The following EVC variants were observed in gnomAD, a reference collection of about 807,000 sequenced individuals.
EVC encodes evC complex member EVC.
EVC carries 116 observed loss-of-function variants against 118.9 expected under a neutral mutation model. The ratio of observed to expected loss-of-function variants is 0.98; its 90% confidence interval spans 0.84 to 1.14. The LOEUF (loss-of-function observed/expected upper bound fraction) is 1.14. Ranked by LOEUF, EVC falls within the 50% of genes most tolerant of loss-of-function variation. EVC has a pLI of 0.00. For missense variants in EVC, 1,401 were observed against 1,246.4 expected (o/e 1.12, Z -1.87); for synonymous variants, 619 against 534.7 (o/e 1.16, Z -2.18).
intron 16 of EVC, among the ~76,000 whole-genome samples, chr4:5,803,750 G>A (rs966553454): frequency 1.3e-5 from 2 of 152,178 alleles, no homozygotes; most frequent in Admixed American, 6.5e-5. Context: ...CTCCCTGTAA[G>A]TGCCAGCAAG....
At chr4:5,782,536 G>GAAAAAAAAA (rs71171483) in intron 11 of EVC, among the ~76,000 whole-genome samples, 2 of 45,748 alleles carry the variant, frequency 4.4e-5, no homozygotes, top group East Asian at 1.4e-3. Context: ...TGTTTTAAAT[G>GAAAAAAAAA]AAAAAAAAAA....
intron 11 of EVC, among the ~76,000 whole-genome samples, chr4:5,763,970 G>C (rs1291842962): frequency 7.0e-6 from 1 of 142,954 alleles, no homozygotes; most frequent in Non-Finnish European, 1.5e-5. Context: ...GGGCATCCCT[G>C]TCTTGTGCCA....
chr4:5,825,364 G>T, the EVC span: 1 of 1,440,720 alleles, frequency 6.9e-7, no homozygotes, highest in South Asian at 1.6e-5. This position sits in a 1 kb window ranked among gnomAD's most constrained non-coding sequence, Gnocchi z 4.4. Flanking sequence ...AGGCTCGGGT[G>T]GGGCACACTC....
rs979667721 is a variant in EVC, at chr4:5,742,360, G to A, written c.801+546G>A. The stretch of plus-strand genomic sequence containing the variant: ...GTATGATACACCTAGCAATGTCATA[G>A]TTGGCTGTGAATATGTGATGGCTGC... On this transcript the variant is annotated intron_variant, in intron 6 of 20. Transcript: ENST00000264956. The surrounding 1 kb of genome is among the most constrained non-coding windows in gnomAD (Gnocchi z 5.2). Among the ~76,000 whole-genome samples, 4 of 152,166 alleles carry A rather than the reference G, an allele frequency of 2.6e-5. No homozygotes were observed. Among genetic ancestry groups the A allele is most frequent in the Non-Finnish European group, 5.9e-5 (4 of 68,028 alleles).
At chr4:5,728,703 T>G (rs1189767450) in intron 2 of EVC, among the ~76,000 whole-genome samples, 1 of 152,210 alleles carries the variant, frequency 6.6e-6, no homozygotes, top group Non-Finnish European at 1.5e-5. Context: ...AACCACTTCC[T>G]TTTGTTTAAG....
rs933989523 is a variant in EVC, at chr4:5,798,759, CA to C, written c.2273del (p.Lys758ArgfsTer14). 1 of 1,611,228 alleles carries C rather than the reference CA, an allele frequency of 6.2e-7. No individual in the cohort carries two copies. The highest frequency in any genetic ancestry group is 8.5e-7 in the Non-Finnish European group (1 of 1,179,974). On this transcript the variant is annotated frameshift_variant, in exon 15 of 21. Transcript: ENST00000264956. LOFTEE classifies it high-confidence loss of function. The surrounding 1 kb of genome is among the most constrained non-coding windows in gnomAD (Gnocchi z 4.1). ...LLVHARNAAT[K>X]SRAKDRDDFK... Reference sequence around the variant, plus strand: ...TGGTGCATGCACGGAATGCAGCCACCAAGAGCCGGGCCAAGGACAGGGATGA... The same window carrying C: ...TGGTGCATGCACGGAATGCAGCCACCAGAGCCGGGCCAAGGACAGGGATGA...
chr4:5,721,864 C>A (rs1321895284), intron 2 of EVC, among the ~76,000 whole-genome samples: 1 of 152,106 alleles, frequency 6.6e-6, no homozygotes, highest in African/African-American at 2.4e-5. Context: ...AAGACTCTGT[C>A]TCAAAATAAA....
downstream of EVC, among the ~76,000 whole-genome samples, chr4:5,817,191 G>A (rs781779549): frequency 7.2e-5 from 11 of 152,322 alleles, no homozygotes; most frequent in East Asian, 1.9e-4. Flanking sequence ...GGTCCTGGTC[G>A]ACATTCTTCC....
chr4:5,758,001 T>C, intron 11 of EVC: 3 of 690,490 alleles, frequency 4.3e-6, no homozygotes, highest in Non-Finnish European at 7.9e-6. Context: ...TTTGCAGATG[T>C]AATTGGTTAG....
At chr4:5,747,203 G>A (rs4411927) in intron 7 of EVC, among the ~76,000 whole-genome samples, 63,378 of 151,566 alleles carry the variant, frequency 0.42, 13,644 homozygotes, top group East Asian at 0.62. Flanking sequence ...GACCGACACC[G>A]CAGTTGAGGC....
intron 11 of EVC, 39 bp from the exon 12 acceptor site, chr4:5,783,513 G>A: frequency 6.2e-7 from 1 of 1,604,064 alleles, no homozygotes; most frequent in East Asian, 2.2e-5. Flanking sequence ...ACAGGGTCCT[G>A]CCGTGACCTG....
chr4:5,777,779 T>C (rs1402722995), intron 11 of EVC, among the ~76,000 whole-genome samples: 3 of 152,148 alleles, frequency 2.0e-5, no homozygotes, highest in African/African-American at 4.8e-5. Flanking sequence ...GGGTTGGCGA[T>C]GAGCTTAAGA....
Position 5,798,087 on chromosome 4 carries a change from C to G in EVC, c.2098-499C>G, listed in dbSNP as rs143366188. On this transcript the variant is annotated intron_variant, in intron 14 of 20. Coordinates refer to ENST00000264956, the MANE Select transcript of EVC (RefSeq NM_153717.3). This position sits in a 1 kb window ranked among gnomAD's most constrained non-coding sequence, Gnocchi z 4.1. ...AGCTCCGAGGAGCAGGCAGGACTCA[C>G]GGACCTCGCTACAGCCCCGCTCACT... Among the ~76,000 whole-genome samples, 5 of 152,168 alleles carry G rather than the reference C, an allele frequency of 3.3e-5. No individual in the cohort carries two copies. The highest frequency in any genetic ancestry group is 6.5e-5 in the Admixed American group (1 of 15,284).
Position 5,731,621 on chromosome 4 carries a change from G to C in EVC, c.581G>C (p.Arg194Pro), listed in dbSNP as rs777256784. Residue 194 changes from arginine to proline, a missense_variant, in exon 4 of 21, where the codon CGG becomes CCG. Coordinates refer to ENST00000264956, the MANE Select transcript of EVC (RefSeq NM_153717.3). This position sits in a 1 kb window ranked among gnomAD's most constrained non-coding sequence, Gnocchi z 5.6. ...AGGTTTCTCAGCCGCACCTTCCTCC[G>C]GGTGAACGCCTTCCCTGAAGTGCTG... ...DDRFLSRTFLRVNAFPEVLAC... is the reference protein window; with the variant it reads ...DDRFLSRTFLPVNAFPEVLAC... 6.2e-7 allele frequency: 1 copy of C among 1,614,138 alleles called. No homozygotes were observed. The highest frequency in any genetic ancestry group is 1.7e-5 in the Admixed American group (1 of 60,014).
chr4:5,795,512 C>T (rs1198346232), intron 13 of EVC, among the ~76,000 whole-genome samples: 2 of 152,080 alleles, frequency 1.3e-5, no homozygotes, highest in Admixed American at 1.3e-4. Context: ...ATTAGCTGGG[C>T]GTGGTGGCAG....
chr4:5,793,599 C>T lies in EVC; in HGVS notation c.1777-9C>T, dbSNP rs113468936. 1.0e-4 allele frequency: 156 copies of T among 1,550,626 alleles called. No individual in the cohort carries two copies. Among genetic ancestry groups the T allele is most frequent in the Non-Finnish European group, 1.2e-4 (143 of 1,146,154 alleles). On this transcript the variant is annotated splice_polypyrimidine_tract_variant and intron_variant, in intron 12 of 20. Coordinates refer to ENST00000264956, the MANE Select transcript of EVC (RefSeq NM_153717.3). ...ACATGCCTGCTCTGTCCCTCTGTCC[C>T]GAGTTCAGGTGTGGATGGAGGAGTG... is the stretch of plus-strand genomic sequence containing the variant.
intron 11 of EVC, chr4:5,758,190 C>A: frequency 1.4e-6 from 1 of 698,700 alleles, no homozygotes; most frequent in Non-Finnish European, 2.6e-6. Context: ...CACCAAAAGC[C>A]AGAAGAGCCC....
chr4:5,728,313 G>A lies in EVC; in HGVS notation c.301-994G>A, dbSNP rs890865651. Among the ~76,000 whole-genome samples the A allele has an allele frequency of 4.6e-5, 7 of 151,846 alleles. No individual in the cohort carries two copies. In the East Asian group the frequency reaches 9.7e-4, roughly 21 times the overall value. Reference sequence around the variant, plus strand: ...CATCCCTTGTAAGTTGGATTCCTAGGTATTTTATTCTCTTTGAAGCAATTG... The same window carrying A: ...CATCCCTTGTAAGTTGGATTCCTAGATATTTTATTCTCTTTGAAGCAATTG... On this transcript the variant is annotated intron_variant, in intron 2 of 20. Coordinates refer to ENST00000264956, the MANE Select transcript of EVC (RefSeq NM_153717.3).
At chr4:5,768,511 A>G (rs1733386978) in intron 11 of EVC, among the ~76,000 whole-genome samples, 1 of 152,092 alleles carries the variant, frequency 6.6e-6, no homozygotes, top group Non-Finnish European at 1.5e-5. Flanking sequence ...GGTTTAAATA[A>G]TCTCACGTGG....
Sources: gnomAD v4.1 joint callset for allele counts (sites outside exome capture counted in the v4.1 genomes callset) on GRCh38, gnomAD v4.1.1 for gene constraint, Gnocchi (gnomAD v3.1) non-coding constraint, MANE v1.5 for transcripts, NCBI Gene and HGNC (gene_info 2026-07-23, HGNC 2026-07-21) for gene names.